Variants in TMPRSS2 observed in about 807,000 individuals in gnomAD.
TMPRSS2 encodes transmembrane protease serine 2.
TMPRSS2 carries 59 observed loss-of-function variants against 67.4 expected under a neutral mutation model. The observed-to-expected ratio is 0.88, with a 90% CI of 0.71 to 1.09. TMPRSS2 has a LOEUF of 1.09. TMPRSS2 is among the 50% of genes least tolerant of loss of function. TMPRSS2 has a pLI of 0.00. For synonymous variants in TMPRSS2, 257 were observed against 257.0 expected (o/e 1.00, Z 0.00); for missense variants, 668 against 642.7 (o/e 1.04, Z -0.43).
At chr21:41,505,745 C>T (rs2091453419) in intron 1 of TMPRSS2, among the ~76,000 whole-genome samples, 1 of 152,224 alleles carries the variant, frequency 6.6e-6, no homozygotes, top group Admixed American at 6.5e-5. Flanking sequence ...TCCCTCCTTT[C>T]CTCCACTTGC....
chr21:41,477,415 G>T (rs868534607), intron 7 of TMPRSS2, among the ~76,000 whole-genome samples: 1 of 152,134 alleles, frequency 6.6e-6, no homozygotes, highest in Non-Finnish European at 1.5e-5. Context: ...AGCGACGGAC[G>T]TTTCTTTACC....
chr21:41,468,074 A>G, intron 12 of TMPRSS2, 188 bp from the exon 13 acceptor site: 1 of 643,638 alleles, frequency 1.6e-6, no homozygotes, highest in Non-Finnish European at 2.7e-6. Context: ...GATAGCCCCC[A>G]TCCTGAATTT....
intron 13 of TMPRSS2, among the ~76,000 whole-genome samples, chr21:41,467,336 T>A (rs2091093509): frequency 6.7e-6 from 1 of 149,122 alleles, no homozygotes; most frequent in Non-Finnish European, 1.5e-5. Context: ...TTGCAGTGAG[T>A]CGAGATTGTG....
chr21:41,492,328 C>T (rs1232281097), intron 3 of TMPRSS2, among the ~76,000 whole-genome samples: 3 of 152,218 alleles, frequency 2.0e-5, no homozygotes, highest in African/African-American at 7.2e-5. Flanking sequence ...TTGTTTCACA[C>T]GCACATTTGG....
intron 5 of TMPRSS2, 38 bp from the exon 6 acceptor site, chr21:41,480,640 T>A: frequency 6.2e-7 from 1 of 1,606,016 alleles, no homozygotes; most frequent in Non-Finnish European, 8.5e-7. Flanking sequence ...GTTTCTTTCT[T>A]TTTTTTTCTT....
intron 3 of TMPRSS2, among the ~76,000 whole-genome samples, chr21:41,490,944 G>A (rs1303543268): frequency 6.6e-6 from 1 of 152,182 alleles, no homozygotes; most frequent in East Asian, 1.9e-4. Flanking sequence ...CCACACCTGT[G>A]CCTCCGGAGG....
At chr21:41,507,954 C>A in intron 1 of TMPRSS2, 127 bp downstream of exon 1, 1 of 1,480,000 alleles carries the variant, frequency 6.8e-7, no homozygotes. Context: ...ACTCACCTGC[C>A]GCGCCGCGCT....
At chr21:41,468,319 C>A (rs1439215120) in intron 12 of TMPRSS2, 77 bp downstream of exon 12, 23 of 1,570,722 alleles carry the variant, frequency 1.5e-5, no homozygotes, top group Middle Eastern at 1.9e-4. Context: ...CTGCTGACCC[C>A]AAGAATGCCC....
chr21:41,507,919 G>GC lies in TMPRSS2; in HGVS notation c.-57+161dup, dbSNP rs986602085. The GC allele has an allele frequency of 6.0e-5, 90 of 1,493,816 alleles. 2 individuals are homozygous for GC. The Middle Eastern group carries it at 2.3e-3, about 39-fold the overall frequency. The allele number at this position is 1,493,816 out of a possible 1,614,324, so 92.5% of individuals were successfully genotyped here. ...CCCCGGGAGGCGCCCTGCCCGGCTG[G>GC]CCCCAGCGCTCGACCCTCGGGCGCA... On this transcript the variant is annotated intron_variant, in intron 1 of 13. Transcript: ENST00000332149.
rs763495622 is a variant in TMPRSS2, at chr21:41,494,428, C to T, written c.166G>A (p.Val56Ile). ...ACGGGGTTGGAAGCCTGCGTCAGGACCCTCGGGGCGTACTGGGGCACGGGG... is the reference window on the plus strand; with the variant it reads ...ACGGGGTTGGAAGCCTGCGTCAGGATCCTCGGGGCGTACTGGGGCACGGGG... ...PSPVPQYAPR[V>I]LTQASNPVVC... Residue 56 changes from valine (V) to isoleucine (I), a missense_variant, in exon 3 of 14, where the codon GTC becomes ATC. Transcript: ENST00000332149. 13 of 1,612,718 alleles carry T rather than the reference C, an allele frequency of 8.1e-6. No individual in the cohort carries two copies. Among genetic ancestry groups the T allele is most frequent in the South Asian group, 5.5e-5 (5 of 90,838 alleles).
intron 5 of TMPRSS2, among the ~76,000 whole-genome samples, chr21:41,481,543 T>C (rs1312825450): frequency 1.3e-5 from 2 of 152,202 alleles, no homozygotes; most frequent in Non-Finnish European, 2.9e-5. Context: ...GAAAATATGC[T>C]AAAATTGACT....
intron 7 of TMPRSS2, among the ~76,000 whole-genome samples, chr21:41,477,453 C>T (rs1049100496): frequency 6.6e-6 from 1 of 152,178 alleles, no homozygotes; most frequent in African/African-American, 2.4e-5. Context: ...AGCCTCATTC[C>T]AACCTCCTCC....
chr21:41,488,340 T>G, intron 5 of TMPRSS2, 54 bp downstream of exon 5: 1 of 1,586,312 alleles, frequency 6.3e-7, no homozygotes, highest in South Asian at 1.1e-5. Context: ...TGGACCCGGC[T>G]GCTGTCTCCA....
At chr21:41,496,320 A>G (rs916577333) in intron 2 of TMPRSS2, among the ~76,000 whole-genome samples, 2 of 152,230 alleles carry the variant, frequency 1.3e-5, no homozygotes, top group Non-Finnish European at 2.9e-5. Flanking sequence ...CTCTTCTCTC[A>G]TATAAGGAAT....
At position 41,488,506 on chromosome 21, in the gene TMPRSS2, G is replaced by T; in HGVS notation, c.333C>A (p.Ser111Arg). 3 of 1,612,642 alleles carry T rather than the reference G, an allele frequency of 1.9e-6. No individual in the cohort carries two copies. Among genetic ancestry groups the T allele is most frequent in the Non-Finnish European group, 2.5e-6 (3 of 1,179,022 alleles). The change falls in exon 5 of 14, where the codon AGC (serine) becomes AGA (arginine). Residue 111 changes from serine to arginine, a missense_variant. Transcript: ENST00000332149. ...ACTCTATCCCAGAGTTGGAGCACTT[G>T]CTGCCCACTTGCAGAGAAAACAGAA... ...AAGLLWKFMG[S>R]KCSNSGIECD...
At chr21:41,473,601 A>G in intron 8 of TMPRSS2, 105 bp from the exon 9 acceptor site, 1 of 1,281,986 alleles carries the variant, frequency 7.8e-7, no homozygotes, top group Non-Finnish European at 1.1e-6. Context: ...AGGACAGGGC[A>G]GGGGCACCAC....
intron 3 of TMPRSS2, among the ~76,000 whole-genome samples, chr21:41,491,885 T>C (rs1434843622): frequency 6.6e-6 from 1 of 152,142 alleles, no homozygotes; most frequent in Non-Finnish European, 1.5e-5. Context: ...ACAGTTTAAT[T>C]ACAACTCACT....
At chr21:41,491,445 C>A (rs539218228) in intron 3 of TMPRSS2, among the ~76,000 whole-genome samples, 5 of 152,270 alleles carry the variant, frequency 3.3e-5, no homozygotes, top group African/African-American at 1.2e-4. Context: ...CTGCACCCGA[C>A]CTGAATCTGA....
chr21:41,470,984 T>TGCTA (rs776079198), intron 10 of TMPRSS2, among the ~76,000 whole-genome samples: 2 of 152,236 alleles, frequency 1.3e-5, no homozygotes, highest in South Asian at 4.1e-4. Context: ...AGGAATTATT[T>TGCTA]GCTAGCTCTG....
Sources: allele counts gnomAD v4.1 joint callset (sites outside exome capture counted in the v4.1 genomes callset), GRCh38; gene constraint gnomAD v4.1.1; transcripts MANE v1.5; gene names NCBI Gene and HGNC (gene_info 2026-07-23, HGNC 2026-07-21).